The following SMIM7 variants were observed in gnomAD, a reference collection of about 807,000 sequenced individuals.
The protein encoded by SMIM7 is small integral membrane protein 7.
SMIM7 carries 12 observed loss-of-function variants against 13.3 expected under a neutral mutation model. That is an observed-to-expected ratio of 0.90 (90% CI 0.58 to 1.46). SMIM7 has a LOEUF of 1.46. SMIM7 is among the 40% of genes most tolerant of loss of function. The pLI is 0.00. For synonymous variants in SMIM7, 36 were observed against 35.8 expected, an observed-to-expected ratio of 1.01 and a Z score of -0.02; for missense variants, 114 against 94.8, an observed-to-expected ratio of 1.20 and a Z score of -0.84.
chr19:16,652,892 C>A (rs901105488), intron 4 of SMIM7: 14 of 1,550,348 alleles, frequency 9.0e-6, no homozygotes, highest in Non-Finnish European at 1.1e-5. Context: ...TCTCACAATT[C>A]GTTAACAGTA....
intron 3 of SMIM7, chr19:16,655,358 C>A (rs1222668965): frequency 2.2e-6 from 1 of 456,120 alleles, no homozygotes; most frequent in Non-Finnish European, 4.4e-6. Context: ...AATCACTCTC[C>A]CTCTCAAGCC....
intron 4 of SMIM7, among the ~76,000 whole-genome samples, chr19:16,635,840 T>C (rs192778688): frequency 2.8e-5 from 4 of 141,508 alleles, no homozygotes; most frequent in Admixed American, 2.2e-4. Context: ...GCCCAGATTG[T>C]ACCACTGCAA....
rs1173460962 is a variant in SMIM7 at position 16,633,182 on chromosome 19, C to T, written c.*138-1458G>A. Among the ~76,000 whole-genome samples, 5 of 151,958 alleles carry T rather than the reference C, an allele frequency of 3.3e-5. 1 individual carries two copies. The highest frequency in any genetic ancestry group is 4.8e-5 in the African/African-American group (2 of 41,384). On this transcript the variant is annotated intron_variant and NMD_transcript_variant, in intron 4 of 4. Coordinates refer to the SMIM7 transcript ENST00000465250. The stretch of plus-strand genomic sequence containing the variant: ...GTAGAAATTCACCAAGCTGGCCAGG[C>T]GCGGTGGCTCACGCCTGTAATCCCA...
chr19:16,659,049 C>T (rs1018087985), intron 3 of SMIM7: 27 of 332,560 alleles, frequency 8.1e-5, no homozygotes, highest in African/African-American at 5.1e-4. Flanking sequence ...CTTCGGGAGG[C>T]CAAGGCAGGG....
chr19:16,653,671 G>A (rs537482654), intron 4 of SMIM7: 3 of 224,688 alleles, frequency 1.3e-5, no homozygotes, highest in East Asian at 2.2e-4. Context: ...CAAGGTGGAC[G>A]AATCACAAGG....
intron 4 of SMIM7, chr19:16,653,032 A>T (rs2086548814): frequency 6.6e-7 from 1 of 1,508,082 alleles, no homozygotes; most frequent in African/African-American, 1.4e-5. Flanking sequence ...CTTCCAGCCC[A>T]GGTGGAGCAG....
In SMIM7 at chr19:16,647,368, T is replaced by G. The variant is rs1234941132; in HGVS notation, c.213-107A>C. On this transcript the variant is annotated intron_variant, in intron 4 of 4. Transcript: ENST00000487416. Reference sequence around the variant, plus strand: ...ACTATTACCTATTACTTAGATGATTTTACATGATTGTCTGATTTTTTAAAG... The same window carrying G: ...ACTATTACCTATTACTTAGATGATTGTACATGATTGTCTGATTTTTTAAAG... 2.2e-6 allele frequency: 3 copies of G among 1,342,398 alleles called. No homozygotes were observed. The African/African-American group carries it at 4.3e-5, about 19-fold the overall frequency. 83.2% of individuals were successfully genotyped at this position (1,342,398 alleles called of 1,614,324 possible).
chr19:16,636,831 T>TA (rs1345129891), intron 4 of SMIM7, among the ~76,000 whole-genome samples: 3 of 152,092 alleles, frequency 2.0e-5, no homozygotes, highest in African/African-American at 7.2e-5. Context: ...CATGTGCCTG[T>TA]AGTCCCAGCT....
rs2086456328 is a variant in SMIM7, at chr19:16,646,953, T to C, written c.*293A>G. ...CAGATCTCTGGATAGAAATGATTTT[T>C]CTTTTATCTATGGGGAATGCAATTT... On this transcript the variant is annotated 3_prime_UTR_variant, in exon 5 of 5. Transcript: ENST00000487416. 2.0e-6 allele frequency: 1 copy of C among 495,962 alleles called. No individual in the cohort carries two copies. Among genetic ancestry groups the C allele is most frequent in the African/African-American group, 1.9e-5 (1 of 51,440 alleles). 30.7% of individuals were successfully genotyped at this position (495,962 alleles called of 1,614,324 possible). A position where few individuals can be genotyped will look rare whatever the true frequency, so the allele number is the denominator to read the frequency against.
downstream of SMIM7, among the ~76,000 whole-genome samples, chr19:16,641,766 T>C (rs2086405755): frequency 6.6e-6 from 1 of 152,132 alleles, no homozygotes; most frequent in Non-Finnish European, 1.5e-5. Flanking sequence ...ACCCGGCTAG[T>C]TTTTGTATTT....
At chr19:16,659,768 G>C in intron 2 of SMIM7, 191 bp downstream of exon 2, 1 of 727,944 alleles carries the variant, frequency 1.4e-6, no homozygotes, top group African/African-American at 1.8e-5. Context: ...GGAACGGAGA[G>C]TATGGGTTTA....
intron 4 of SMIM7, among the ~76,000 whole-genome samples, chr19:16,635,634 C>A (rs1418188288): frequency 6.6e-6 from 1 of 151,998 alleles, no homozygotes; most frequent in East Asian, 1.9e-4. Flanking sequence ...GTAATCTCAG[C>A]ACTTTGAGAG....
In SMIM7 at chr19:16,646,936, T is replaced by C. The variant is rs552022894; in HGVS notation, c.*310A>G. The C allele has an allele frequency of 4.4e-6, 2 of 458,754 alleles. No homozygotes were observed. The highest frequency in any genetic ancestry group is 7.9e-6 in the Non-Finnish European group (2 of 252,964). The allele number at this position is 458,754 out of a possible 1,614,324, so 28.4% of individuals were successfully genotyped here. Reference sequence around the variant, plus strand: ...AAGCCAATCCTTCTGCTCAGATCTCTGGATAGAAATGATTTTTCTTTTATC... The same window carrying C: ...AAGCCAATCCTTCTGCTCAGATCTCCGGATAGAAATGATTTTTCTTTTATC... On this transcript the variant is annotated 3_prime_UTR_variant, in exon 5 of 5. Coordinates refer to ENST00000487416, the MANE Select transcript of SMIM7 (RefSeq NM_024104.4).
At chr19:16,637,027 CA>C (rs2086365713) in intron 4 of SMIM7, among the ~76,000 whole-genome samples, 1 of 152,110 alleles carries the variant, frequency 6.6e-6, no homozygotes, top group Admixed American at 6.6e-5. Flanking sequence ...TGGCACTGCC[CA>C]ATTAGAACTT....
chr19:16,631,871 A>AT lies in SMIM7; in HGVS notation c.*138-148dup, dbSNP rs1184736499. 320 of 140,358 alleles carry AT rather than the reference A, an allele frequency of 2.3e-3. 1 individual carries two copies. The highest frequency in any genetic ancestry group is 2.6e-3 in the Admixed American group (36 of 14,020). The allele number at this position is 140,358 out of a possible 1,614,324, so 8.7% of individuals were successfully genotyped here. ...ATGTTTGCTTTAACAGGCGGGTGGA[A>AT]TTTTTTTTTTTTTTTTTTCGAGAGA... is the stretch of plus-strand genomic sequence containing the variant. On this transcript the variant is annotated intron_variant and NMD_transcript_variant, in intron 4 of 4. Coordinates refer to the SMIM7 transcript ENST00000465250.
intron 3 of SMIM7, 112 bp downstream of exon 3, chr19:16,659,283 A>C (rs1297051530): frequency 1.0e-5 from 1 of 97,386 alleles, no homozygotes; most frequent in Non-Finnish European, 2.0e-5. Flanking sequence ...ACCTTGTGTC[A>C]AAAAAAAAAA....
intron 4 of SMIM7, among the ~76,000 whole-genome samples, chr19:16,635,755 G>A (rs934515874): frequency 6.7e-6 from 1 of 150,112 alleles, no homozygotes; most frequent in Non-Finnish European, 1.5e-5. Context: ...CTGGTGGCAG[G>A]CGCCTGTAAT....
At chr19:16,642,818 C>T (rs1033184288), downstream of SMIM7, among the ~76,000 whole-genome samples, 62 of 150,200 alleles carry the variant, frequency 4.1e-4, no homozygotes, top group African/African-American at 1.2e-3. Flanking sequence ...AGAGTGAGAC[C>T]TTATCTTTTT....
chr19:16,631,480 A>T (rs1451085017), exon 5 of SMIM7: 1 of 152,170 alleles, frequency 6.6e-6, no homozygotes, highest in Non-Finnish European at 1.5e-5. Flanking sequence ...CAAGGAAGTT[A>T]GTGTCAGGAG....
Sources: gnomAD v4.1 joint callset for allele counts (sites outside exome capture counted in the v4.1 genomes callset) on GRCh38, gnomAD v4.1.1 for gene constraint, MANE v1.5 for transcripts, NCBI Gene and HGNC (gene_info 2026-07-23, HGNC 2026-07-21) for gene names.